ASH1L: variants seen among roughly 807,000 people sequenced by gnomAD.
ASH1L encodes ASH1 like histone lysine methyltransferase.
A neutral mutation model predicts 269.0 loss-of-function variants in ASH1L; 23 were observed. The observed-to-expected ratio is 0.09, with a 90% CI of 0.06 to 0.12. The LOEUF (loss-of-function observed/expected upper bound fraction) is 0.12, where lower values mean the gene tolerates loss of function less well. Ranked by LOEUF, ASH1L falls within the 10% of genes least tolerant of loss-of-function variation. ASH1L has a pLI of 1.00. For missense variants in ASH1L, 2,912 were observed against 3,567.8 expected (o/e 0.82, Z 4.68); for synonymous variants, 1,187 against 1,253.5 (o/e 0.95, Z 1.12).
At chr1:155,423,458 A>G (rs1386573034) in intron 5 of ASH1L, among the ~76,000 whole-genome samples, 3 of 151,806 alleles carry the variant, frequency 2.0e-5, no homozygotes, top group Non-Finnish European at 2.9e-5. Flanking sequence ...AGTCCCAGCT[A>G]CTCGGGAGGC....
intron 5 of ASH1L, among the ~76,000 whole-genome samples, chr1:155,425,871 C>A (rs1015382591): frequency 6.7e-6 from 1 of 149,930 alleles, no homozygotes; most frequent in South Asian, 2.1e-4. Flanking sequence ...AGCCCCCATG[C>A]CTGGCCTAAT....
chr1:155,450,594 T>C (rs982267999), intron 4 of ASH1L, among the ~76,000 whole-genome samples: 42 of 152,222 alleles, frequency 2.8e-4, no homozygotes, highest in Non-Finnish European at 1.6e-4. Flanking sequence ...TTGTACACTG[T>C]TGATGGGAAT....
chr1:155,380,634 T>C (rs1030168383), intron 7 of ASH1L, among the ~76,000 whole-genome samples: 5 of 151,702 alleles, frequency 3.3e-5, no homozygotes, highest in African/African-American at 9.7e-5. Context: ...AAGAATGAAA[T>C]TCTTTTTTTT....
intron 10 of ASH1L, among the ~76,000 whole-genome samples, chr1:155,373,421 G>A (rs1656155778): frequency 6.6e-6 from 1 of 151,568 alleles, no homozygotes; most frequent in South Asian, 2.1e-4. Context: ...CTGGGTAGCT[G>A]GGAACACAGG....
At chr1:155,562,947 C>T (rs1409287617), upstream of ASH1L, 5 of 456,876 alleles carry the variant, frequency 1.1e-5, no homozygotes, top group African/African-American at 1.0e-4. Flanking sequence ...CCACAATCCC[C>T]CCCGCGGGAC....
chr1:155,341,426 T>G (rs1000758348), intron 25 of ASH1L, among the ~76,000 whole-genome samples: 1 of 152,216 alleles, frequency 6.6e-6, no homozygotes, highest in Non-Finnish European at 1.5e-5. Flanking sequence ...TCCGCCCACC[T>G]TGGCCTCCCA....
intron 2 of ASH1L, among the ~76,000 whole-genome samples, chr1:155,507,054 G>T (rs933064728): frequency 6.6e-6 from 1 of 151,578 alleles, no homozygotes; most frequent in Non-Finnish European, 1.5e-5. Context: ...AGGCCAAGGC[G>T]GGCAGGCCAC....
intron 6 of ASH1L, among the ~76,000 whole-genome samples, chr1:155,414,603 C>T (rs995504710): frequency 6.6e-6 from 1 of 152,196 alleles, no homozygotes; most frequent in African/African-American, 2.4e-5. Context: ...GCCACCACTC[C>T]CATCCAAAAC....
intron 6 of ASH1L, among the ~76,000 whole-genome samples, chr1:155,397,827 T>G (rs1158096697): frequency 6.6e-6 from 1 of 152,154 alleles, no homozygotes; most frequent in African/African-American, 2.4e-5. Flanking sequence ...TCCCAAAGTC[T>G]TGGGATTACA....
intron 12 of ASH1L, among the ~76,000 whole-genome samples, chr1:155,369,462 T>C (rs1655735668): frequency 6.6e-6 from 1 of 151,270 alleles, no homozygotes; most frequent in Non-Finnish European, 1.5e-5. Context: ...AAAAAAAAAG[T>C]CTATGTATTT....
intron 2 of ASH1L, among the ~76,000 whole-genome samples, chr1:155,486,810 TA>T (rs533738142): frequency 0.011 from 1,589 of 151,132 alleles, 13 homozygotes; most frequent in Non-Finnish European, 0.017. Context: ...AACTTATCCT[TA>T]AAAATGTGAA....
At chr1:155,437,622 G>A (rs1662208501) in intron 5 of ASH1L, among the ~76,000 whole-genome samples, 1 of 152,182 alleles carries the variant, frequency 6.6e-6, no homozygotes, top group South Asian at 2.1e-4. Flanking sequence ...CAAGGTTAAA[G>A]CAGGGTCTGA....
At chr1:155,429,477 T>C (rs1661441183) in intron 5 of ASH1L, among the ~76,000 whole-genome samples, 1 of 152,066 alleles carries the variant, frequency 6.6e-6, no homozygotes, top group Non-Finnish European at 1.5e-5. Context: ...TTGCCTAGGC[T>C]ACTCTCAAAC....
chr1:155,355,410 T>C (rs973840419), intron 15 of ASH1L, among the ~76,000 whole-genome samples: 4 of 152,228 alleles, frequency 2.6e-5, no homozygotes, highest in Non-Finnish European at 5.9e-5. Context: ...CTATACAATT[T>C]TGATGATTCC....
intron 1 of ASH1L, among the ~76,000 whole-genome samples, chr1:155,544,182 G>C (rs1260691949): frequency 2.0e-5 from 3 of 151,750 alleles, no homozygotes; most frequent in African/African-American, 7.3e-5. Flanking sequence ...GGGATTACAG[G>C]TGTGAGCCAC....
intron 2 of ASH1L, among the ~76,000 whole-genome samples, chr1:155,504,158 T>A (rs12760984): frequency 6.6e-6 from 1 of 152,220 alleles, no homozygotes; most frequent in Admixed American, 6.5e-5. Flanking sequence ...GAAAGGTAGG[T>A]ATTAGACATA....
intron 4 of ASH1L, among the ~76,000 whole-genome samples, chr1:155,439,622 C>A (rs1436785081): frequency 6.6e-6 from 1 of 152,054 alleles, no homozygotes; most frequent in East Asian, 1.9e-4. Flanking sequence ...ACTGCTTGAG[C>A]CTGGGAGGTC....
chr1:155,475,106 C>T (rs1374633453), intron 3 of ASH1L, among the ~76,000 whole-genome samples: 2 of 152,126 alleles, frequency 1.3e-5, no homozygotes, highest in Non-Finnish European at 2.9e-5. Flanking sequence ...ATCTAAACTC[C>T]TTCCCAACTG....
chr1:155,542,808 T>C (rs1182428674), intron 1 of ASH1L, among the ~76,000 whole-genome samples: 1 of 150,952 alleles, frequency 6.6e-6, no homozygotes, highest in Non-Finnish European at 1.5e-5. Flanking sequence ...GCCTCCTGAG[T>C]AGCTGGGATT....
Sources: gnomAD v4.1 joint callset for allele counts (sites outside exome capture counted in the v4.1 genomes callset) on GRCh38, gnomAD v4.1.1 for gene constraint, MANE v1.5 for transcripts, NCBI Gene and HGNC (gene_info 2026-07-23, HGNC 2026-07-21) for gene names.